Variants in ZNF385D observed in about 807,000 individuals in gnomAD.
ZNF385D encodes the protein zinc finger protein 385D.
In ZNF385D, 15 loss-of-function variants were observed where a neutral mutation model predicts 35.8. The observed-to-expected ratio is 0.42, with a 90% CI of 0.28 to 0.64. The LOEUF (loss-of-function observed/expected upper bound fraction) is 0.64. ZNF385D is among the 30% of genes least tolerant of loss of function. ZNF385D has a pLI of 0.23. For synonymous variants in ZNF385D, 212 were observed against 186.8 expected, an observed-to-expected ratio of 1.13 and a Z score of -1.10; for missense variants, 474 against 494.6, an observed-to-expected ratio of 0.96 and a Z score of 0.39.
At position 21,437,213 on chromosome 3, in the gene ZNF385D, A is replaced by G. The variant is rs1028623319; in HGVS notation, c.440-10T>C. ...GTCCCTGCAGTACCGTCTGTATTCA[A>G]AATAACACAGAAAAAAGGGGGAAAA... On this transcript the variant is annotated splice_polypyrimidine_tract_variant and intron_variant, in intron 4 of 7. Transcript: ENST00000281523. 7 of 1,602,916 alleles carry G rather than the reference A, an allele frequency of 4.4e-6. No individual in the cohort carries two copies. The highest frequency in any genetic ancestry group is 2.7e-5 in the African/African-American group (2 of 74,308).
At chr3:21,453,874 A>T (rs927853699) in intron 4 of ZNF385D, among the ~76,000 whole-genome samples, 13 of 152,068 alleles carry the variant, frequency 8.5e-5, no homozygotes, top group Non-Finnish European at 1.9e-4. Context: ...TAAAATAACT[A>T]AAAATATATG....
intron 3 of ZNF385D, among the ~76,000 whole-genome samples, chr3:21,775,621 A>T (rs1473168829): frequency 6.6e-6 from 1 of 151,802 alleles, no homozygotes; most frequent in African/African-American, 2.4e-5. Context: ...TATCATGATG[A>T]TTTCGGTTAT....
chr3:21,916,121 A>G (rs1050849922), intron 3 of ZNF385D, among the ~76,000 whole-genome samples: 3 of 152,188 alleles, frequency 2.0e-5, no homozygotes, highest in African/African-American at 7.2e-5. Flanking sequence ...ATTAGGGTAC[A>G]TTAAAAGCAT....
intron 2 of ZNF385D, among the ~76,000 whole-genome samples, chr3:22,338,811 C>T (rs561489396): frequency 6.6e-6 from 1 of 151,094 alleles, no homozygotes; most frequent in South Asian, 2.1e-4. Flanking sequence ...AGCAATTCTC[C>T]TGCCTCAGCC....
chr3:21,433,847 G>A (rs1400631583), intron 5 of ZNF385D, among the ~76,000 whole-genome samples: 1 of 152,092 alleles, frequency 6.6e-6, no homozygotes, highest in African/African-American at 2.4e-5. Context: ...TAAATTCGCA[G>A]ATTTTTATTA....
At chr3:22,152,242 A>T (rs1705285544) in intron 3 of ZNF385D, among the ~76,000 whole-genome samples, 1 of 152,122 alleles carries the variant, frequency 6.6e-6, no homozygotes, top group Admixed American at 6.6e-5. Flanking sequence ...ATACTTTCAG[A>T]CAAATGCTTA....
chr3:22,159,350 C>T (rs1475367095), intron 3 of ZNF385D, among the ~76,000 whole-genome samples: 1 of 152,004 alleles, frequency 6.6e-6, no homozygotes, highest in Non-Finnish European at 1.5e-5. Context: ...ACTTAATTTT[C>T]ACTTCATCTA....
At chr3:21,438,715 A>C (rs1248088587) in intron 4 of ZNF385D, among the ~76,000 whole-genome samples, 2 of 152,118 alleles carry the variant, frequency 1.3e-5, no homozygotes, top group African/African-American at 4.8e-5. Flanking sequence ...TCATCAAGTA[A>C]GTCTCTTTCA....
intron 4 of ZNF385D, among the ~76,000 whole-genome samples, chr3:21,475,472 A>G (rs1246382658): frequency 6.6e-6 from 1 of 152,090 alleles, no homozygotes; most frequent in South Asian, 2.1e-4. Context: ...TTCGATATAC[A>G]TTTTAAAATT....
intron 3 of ZNF385D, among the ~76,000 whole-genome samples, chr3:21,528,062 G>A (rs575517744): frequency 3.2e-4 from 49 of 152,196 alleles, no homozygotes; most frequent in African/African-American, 1.1e-3. Flanking sequence ...AGTAGTAAAC[G>A]ACAGAGGCGA....
intron 1 of ZNF385D, among the ~76,000 whole-genome samples, chr3:21,715,893 G>C (rs754220568): frequency 2.6e-5 from 4 of 152,028 alleles, no homozygotes; most frequent in Non-Finnish European, 4.4e-5. Flanking sequence ...AGATCTAATA[G>C]GTATTTTAAA....
chr3:22,287,717 A>G (rs1212628783), intron 2 of ZNF385D, among the ~76,000 whole-genome samples: 1 of 152,156 alleles, frequency 6.6e-6, no homozygotes, highest in African/African-American at 2.4e-5. Flanking sequence ...CCTCAACAAG[A>G]TATTATAGCT....
intron 3 of ZNF385D, among the ~76,000 whole-genome samples, chr3:21,941,206 T>A (rs1701499249): frequency 6.6e-6 from 1 of 152,190 alleles, no homozygotes; most frequent in Admixed American, 6.5e-5. Flanking sequence ...GCTTTGATTT[T>A]TCTTAGCTGT....
intron 3 of ZNF385D, among the ~76,000 whole-genome samples, chr3:21,893,731 G>A (rs534857726): frequency 3.9e-5 from 6 of 152,192 alleles, no homozygotes; most frequent in South Asian, 4.2e-4. Flanking sequence ...TTTCCCTCTC[G>A]TCAAGTCTAG....
intron 2 of ZNF385D, among the ~76,000 whole-genome samples, chr3:22,211,738 G>T (rs939533431): frequency 6.6e-6 from 1 of 151,946 alleles, no homozygotes; most frequent in East Asian, 1.9e-4. Flanking sequence ...GAGAGGGCAA[G>T]AACAGTCCTG....
At chr3:22,025,340 C>T (rs1258179809) in intron 3 of ZNF385D, among the ~76,000 whole-genome samples, 1 of 152,118 alleles carries the variant, frequency 6.6e-6, no homozygotes, top group African/African-American at 2.4e-5. Flanking sequence ...CCTCTGTTTG[C>T]TTGTGGACCT....
chr3:21,808,470 G>T (rs964500808), intron 3 of ZNF385D, among the ~76,000 whole-genome samples: 1 of 152,162 alleles, frequency 6.6e-6, no homozygotes, highest in African/African-American at 2.4e-5. Context: ...TCCAAGCAGA[G>T]ATGACACCCA....
chr3:21,491,397 C>T (rs866070500), intron 4 of ZNF385D, among the ~76,000 whole-genome samples: 1 of 152,096 alleles, frequency 6.6e-6, no homozygotes, highest in Middle Eastern at 3.4e-3. Flanking sequence ...CACAAACTGC[C>T]ATTTAACTAT....
intron 2 of ZNF385D, among the ~76,000 whole-genome samples, chr3:22,232,965 T>C (rs1698981751): frequency 6.6e-6 from 1 of 152,186 alleles, no homozygotes. Context: ...TAAAACTTTG[T>C]TTTTATCATT....
Sources: allele counts gnomAD v4.1 joint callset (sites outside exome capture counted in the v4.1 genomes callset), GRCh38; gene constraint gnomAD v4.1.1; transcripts MANE v1.5; gene names NCBI Gene and HGNC (gene_info 2026-07-23, HGNC 2026-07-21).